Variants in CRYAB observed in about 807,000 individuals in gnomAD.
The protein encoded by CRYAB is crystallin alpha B.
A neutral mutation model predicts 12.7 loss-of-function variants in CRYAB; 9 were observed. That is an observed-to-expected ratio of 0.71 (90% confidence interval 0.43 to 1.24). CRYAB has a LOEUF of 1.24. Among genes scored for constraint, CRYAB ranks in the 50% most tolerant of loss-of-function variants. The pLI, the probability that CRYAB is intolerant of heterozygous loss-of-function variation, is 0.00. For synonymous variants in CRYAB, 93 were observed against 86.8 expected (o/e 1.07, Z -0.40); for missense variants, 183 against 226.6 (o/e 0.81, Z 1.24).
At chr11:111,912,830 A>G (rs782206681), upstream of CRYAB, 1 of 1,599,544 alleles carries the variant, frequency 6.3e-7, no homozygotes, top group South Asian at 1.1e-5. Context: ...ATCTGCAGCC[A>G]TGTCGGGCCG....
At chr11:111,918,211 A>T (rs1555166232), upstream of CRYAB, 2 of 153,034 alleles carry the variant, frequency 1.3e-5, no homozygotes, top group Admixed American at 1.3e-4. Context: ...TACTGGAAGG[A>T]GACGCAGAGT....
At chr11:111,912,475 A>C, upstream of CRYAB, 1 of 363,768 alleles carries the variant, frequency 2.7e-6, no homozygotes, top group Non-Finnish European at 5.1e-6. Flanking sequence ...GAAACGTGCA[A>C]ACCGTTTGTG....
intron 1 of CRYAB, chr11:111,918,555 T>G (rs1033148208): frequency 6.1e-6 from 3 of 488,174 alleles, no homozygotes; most frequent in Non-Finnish European, 1.1e-5. Context: ...CAGTTAAACC[T>G]GAGTGGTGCT....
At chr11:111,919,187 C>T (rs1965646575) in intron 1 of CRYAB, 2 of 705,888 alleles carry the variant, frequency 2.8e-6, no homozygotes, top group Non-Finnish European at 4.8e-6. Flanking sequence ...GAAGACAGAG[C>T]CAAGTGGCTG....
At chr11:111,910,710 G>C (rs147373685) in intron 1 of CRYAB, 1 of 537,616 alleles carries the variant, frequency 1.9e-6, no homozygotes, top group Non-Finnish European at 3.3e-6. Flanking sequence ...GGGACCAGTC[G>C]CAAGGATGGG....
upstream of CRYAB, chr11:111,913,776 C>G: frequency 6.2e-7 from 1 of 1,614,192 alleles, no homozygotes; most frequent in Non-Finnish European, 8.5e-7. Context: ...CATCTTAAAC[C>G]TGGAAGCACC....
chr11:111,910,374 C>A lies in CRYAB; in HGVS notation c.277G>T (p.Val93Leu), dbSNP rs547282752. ...TGCACCTCAATCACATCTCCCAACA[C>A]CTTAACTTTGAGTTCCTCTGGGGAG... ...HFSPEELKVK[V>L]LGDVIEVHGK... The change falls in exon 2 of 3, where the codon GTG becomes TTG. Residue 93 changes from valine (V) to leucine (L), a missense_variant. Val to Leu is a conservative substitution (Grantham distance 32). Coordinates refer to ENST00000650687, the MANE Select transcript of CRYAB (RefSeq NM_001289808.2). 1.3e-5 allele frequency: 21 copies of A among 1,614,108 alleles called. No homozygotes were observed. Among genetic ancestry groups the A allele is most frequent in the Non-Finnish European group, 1.8e-5 (21 of 1,180,038 alleles).
chr11:111,917,439 T>C (rs1195710527), upstream of CRYAB, among the ~76,000 whole-genome samples: 1 of 152,032 alleles, frequency 6.6e-6, no homozygotes, highest in African/African-American at 2.4e-5. Flanking sequence ...GAAAGTAAGA[T>C]GTGGGAACCA....
intron 1 of CRYAB, among the ~76,000 whole-genome samples, chr11:111,918,442 C>T (rs763858931): frequency 1.4e-4 from 21 of 152,076 alleles, no homozygotes; most frequent in Non-Finnish European, 2.4e-4. Context: ...ATATGAGGAA[C>T]CCATTTCCCC....
At chr11:111,913,515 G>T (rs1462346191), upstream of CRYAB, 3 of 1,614,010 alleles carry the variant, frequency 1.9e-6, no homozygotes, top group Admixed American at 1.7e-5. Flanking sequence ...CGCCCCAGCT[G>T]GGGAGGGCAG....
upstream of CRYAB, chr11:111,913,923 C>A (rs1965554487): frequency 1.3e-6 from 2 of 1,561,956 alleles, no homozygotes; most frequent in Non-Finnish European, 1.7e-6. Flanking sequence ...CCCAGCAAAT[C>A]CCTCTCTACC....
At chr11:111,918,207 A>G (rs1270539718), upstream of CRYAB, 1 of 152,882 alleles carries the variant, frequency 6.5e-6, no homozygotes, top group African/African-American at 2.4e-5. Flanking sequence ...GGGTTACTGG[A>G]AGGAGACGCA....
intron 1 of CRYAB, among the ~76,000 whole-genome samples, chr11:111,921,345 C>G (rs1337517846): frequency 1.3e-5 from 2 of 152,038 alleles, no homozygotes; most frequent in African/African-American, 4.8e-5. Context: ...TAAGAAATAC[C>G]CTGAAGGTCC....
At chr11:111,916,616 A>G (rs1036791804), upstream of CRYAB, among the ~76,000 whole-genome samples, 17 of 152,228 alleles carry the variant, frequency 1.1e-4, no homozygotes, top group African/African-American at 4.1e-4. Flanking sequence ...TTGACAACGT[A>G]ACTTGAAATT....
intron 2 of CRYAB, among the ~76,000 whole-genome samples, chr11:111,909,478 A>T (rs1319034617): frequency 6.6e-6 from 1 of 152,220 alleles, no homozygotes; most frequent in Non-Finnish European, 1.5e-5. Flanking sequence ...CTGAGGACAA[A>T]CTGTACTGGT....
chr11:111,915,303 GA>G (rs1443816873), upstream of CRYAB, among the ~76,000 whole-genome samples: 1 of 152,232 alleles, frequency 6.6e-6, no homozygotes, highest in East Asian at 1.9e-4. Context: ...TGAGGAATTC[GA>G]CTTTTGGTTA....
At chr11:111,921,023 C>G (rs1307135913) in intron 1 of CRYAB, among the ~76,000 whole-genome samples, 1 of 152,022 alleles carries the variant, frequency 6.6e-6, no homozygotes, top group Non-Finnish European at 1.5e-5. Context: ...CTATTCTTTC[C>G]CAGAATTTTC....
intron 2 of CRYAB, 118 bp downstream of exon 2, chr11:111,910,209 C>A (rs1002610421): frequency 1.6e-6 from 2 of 1,264,358 alleles, no homozygotes; most frequent in Non-Finnish European, 2.3e-6. Context: ...AACCCCTGAT[C>A]CCGACTGTTA....
intron 2 of CRYAB, among the ~76,000 whole-genome samples, chr11:111,909,466 T>C (rs1267039973): frequency 6.6e-6 from 1 of 152,096 alleles, no homozygotes; most frequent in African/African-American, 2.4e-5. Context: ...CTGAGGACAT[T>C]ACTGAGGACA....
Sources: allele counts gnomAD v4.1 joint callset (sites outside exome capture counted in the v4.1 genomes callset), GRCh38; gene constraint gnomAD v4.1.1; transcripts MANE v1.5; gene names NCBI Gene and HGNC (gene_info 2026-07-23, HGNC 2026-07-21).